PTRH1: variants seen among roughly 807,000 people sequenced by gnomAD.
The protein encoded by PTRH1 is peptidyl-tRNA hydrolase 1 homolog.
PTRH1 carries 13 observed loss-of-function variants against 15.7 expected under a neutral mutation model. The observed-to-expected ratio is 0.83, with a 90% CI of 0.54 to 1.31. The LOEUF is 1.31. Ranked by LOEUF, PTRH1 falls within the 40% of genes most tolerant of loss-of-function variation. PTRH1 has a pLI of 0.00. For synonymous variants in PTRH1, 139 were observed against 136.7 expected (o/e 1.02, Z -0.12); for missense variants, 319 against 296.2 (o/e 1.08, Z -0.56).
At chr9:127,700,185 A>C (rs1012630952) in intron 1 of PTRH1, among the ~76,000 whole-genome samples, 1 of 152,216 alleles carries the variant, frequency 6.6e-6, no homozygotes, top group Non-Finnish European at 1.5e-5. Context: ...CTTATGTGTC[A>C]GGCTGTCTCT....
chr9:127,710,580 C>G (rs1226587363), downstream of PTRH1: 75 of 1,567,864 alleles, frequency 4.8e-5, no homozygotes, highest in East Asian at 1.7e-3. Flanking sequence ...ATCATTGGGC[C>G]TTGTGCGCTG....
chr9:127,707,375 G>A (rs1475709633), intron 1 of PTRH1, among the ~76,000 whole-genome samples: 3 of 152,178 alleles, frequency 2.0e-5, no homozygotes, highest in African/African-American at 2.4e-5. Flanking sequence ...TCAAGATTTT[G>A]AGGGTAAATG....
Position 127,715,059 on chromosome 9 carries a change from G to C in PTRH1, c.232C>G (p.Leu78Val). The C allele has an allele frequency of 6.5e-7, 1 of 1,527,328 alleles. No individual in the cohort carries two copies. The highest frequency in any genetic ancestry group is 8.7e-7 in the Non-Finnish European group (1 of 1,143,262). The allele number at this position is 1,527,328 out of a possible 1,614,324, so 94.6% of individuals were successfully genotyped here. A position where few individuals can be genotyped will look rare whatever the true frequency, so the allele number is the denominator to read the frequency against. ...AGTTGGGCATCCCCCAGCGGGGCCA[G>C]GGCGAGGTCGGCGGCACAGTGCCGG... The part of the protein sequence containing the change: ...RDRHCAADLA[L>V]APLGDAQLVL... The change falls in exon 2 of 5, where the codon CTG becomes GTG. Residue 78 changes from leucine (L) to valine (V), a missense_variant. Coordinates refer to ENST00000543175, the MANE Select transcript of PTRH1 (RefSeq NM_001002913.3). This position sits in a 1 kb window ranked among gnomAD's most constrained non-coding sequence, Gnocchi z 5.8.
intron 1 of PTRH1, among the ~76,000 whole-genome samples, chr9:127,696,690 T>C (rs1564361591): frequency 1.3e-5 from 2 of 151,972 alleles, no homozygotes; most frequent in Non-Finnish European, 1.5e-5. Flanking sequence ...TGAAACCCCG[T>C]CTCTACTAAA....
chr9:127,703,269 A>C (rs369664915), intron 1 of PTRH1, among the ~76,000 whole-genome samples: 3 of 151,740 alleles, frequency 2.0e-5, no homozygotes, highest in Non-Finnish European at 2.9e-5. Flanking sequence ...AACATGGTGA[A>C]ACCTCATCTC....
At position 127,714,281 on chromosome 9, in the gene PTRH1, G is replaced by C; in HGVS notation, c.464C>G (p.Ala155Gly). 1 of 1,613,972 alleles carries C rather than the reference G, an allele frequency of 6.2e-7. No homozygotes were observed. The highest frequency in any genetic ancestry group is 8.5e-7 in the Non-Finnish European group (1 of 1,179,918). Reference protein sequence around the residue: ...RSCISCLNSNAMPRLRVGIGR... With the variant: ...RSCISCLNSNGMPRLRVGIGR... ...GATACCCACCCGCAGCCTTGGCATT[G>C]CCTGTGGGAGAGCCAGAGAGGCCCA... The change falls in exon 5 of 5, where the codon GCA becomes GGA. Residue 155 changes from alanine to glycine, a missense_variant and splice_region_variant. Ala to Gly is a moderately conservative substitution (Grantham distance 60). Coordinates refer to ENST00000543175, the MANE Select transcript of PTRH1 (RefSeq NM_001002913.3).
chr9:127,713,632 A>T, downstream of PTRH1: 1 of 463,120 alleles, frequency 2.2e-6, no homozygotes, highest in South Asian at 2.1e-5. Flanking sequence ...TCAGTCTCCC[A>T]AGTAGCAGGG....
chr9:127,707,243 C>A (rs1466049697), intron 1 of PTRH1: 2 of 1,582,874 alleles, frequency 1.3e-6, no homozygotes, highest in Admixed American at 1.7e-5. Context: ...GAAGCCCATG[C>A]CCAGGTGGCC....
chr9:127,714,876 A>C lies in PTRH1; in HGVS notation c.316+99T>G, dbSNP rs1842893426. 1.9e-5 allele frequency: 22 copies of C among 1,134,368 alleles called. No individual in the cohort carries two copies. In the South Asian group the frequency reaches 2.1e-4, roughly 11 times the overall value. The allele number at this position is 1,134,368 out of a possible 1,614,324, so 70.3% of individuals were successfully genotyped here. A position where few individuals can be genotyped will look rare whatever the true frequency, so the allele number is the denominator to read the frequency against. On this transcript the variant is annotated intron_variant, in intron 2 of 4. Transcript: ENST00000543175. Reference sequence around the variant, plus strand: ...GGAGCTCAACAGGTACTTGGAGGTGAACCCGCGGATCTGTCACAGCCAGTG... The same window carrying C: ...GGAGCTCAACAGGTACTTGGAGGTGCACCCGCGGATCTGTCACAGCCAGTG...
chr9:127,700,322 G>A (rs1286903246), intron 1 of PTRH1, among the ~76,000 whole-genome samples: 1 of 152,012 alleles, frequency 6.6e-6, no homozygotes, highest in African/African-American at 2.4e-5. Flanking sequence ...ACCCCTTATG[G>A]GCAGCATCTC....
chr9:127,697,055 C>T (rs117856651), intron 1 of PTRH1, among the ~76,000 whole-genome samples: 4 of 152,136 alleles, frequency 2.6e-5, no homozygotes, highest in Non-Finnish European at 5.9e-5. Flanking sequence ...GTGAGTTGTA[C>T]CTGCCTGGTC....
intron 1 of PTRH1, among the ~76,000 whole-genome samples, chr9:127,703,117 G>C (rs536105355): frequency 6.6e-6 from 1 of 152,002 alleles, no homozygotes; most frequent in East Asian, 1.9e-4. Flanking sequence ...TCAGCAAATC[G>C]GGACACTCAT....
chr9:127,694,176 C>A (rs1842533886), intron 2 of PTRH1, among the ~76,000 whole-genome samples: 1 of 152,012 alleles, frequency 6.6e-6, no homozygotes, highest in African/African-American at 2.4e-5. Flanking sequence ...AAGCGATTGG[C>A]CTGCCTCAGC....
rs766413108 is a variant in PTRH1, at chr9:127,701,271, CAT to C, written c.206-6132_206-6131del. ...CCTCTCCTTTCCCAAATTTATAAAT[CAT>C]GTGATTTTTTTCAAGTTAACGTATC... On this transcript the variant is annotated intron_variant, in intron 1 of 2. Transcript: ENST00000335223. Among the ~76,000 whole-genome samples the C allele has an allele frequency of 5.3e-5, 8 of 152,288 alleles. No homozygotes were observed. In the South Asian group the frequency reaches 1.5e-3, roughly 28 times the overall value.
In PTRH1 at chr9:127,715,585, G is replaced by A. The variant is rs767941897; in HGVS notation, c.55C>T (p.Arg19Ter). The change falls in exon 1 of 5, where the codon CGA becomes TGA. Residue 19 changes from arginine (R) to a stop codon, truncating the protein, a stop_gained. Coordinates refer to ENST00000543175, the MANE Select transcript of PTRH1 (RefSeq NM_001002913.3). LOFTEE classifies it high-confidence loss of function. The surrounding 1 kb of genome is among the most constrained non-coding windows in gnomAD (Gnocchi z 5.8). ...AGQRLSRAMS[R>*]CVLEPRPPGK... ...GGGGGGCGAGGCTCCAAAACACATC[G>A]GCTCATGGCTCTACTCAGCCGCTGT... 7.4e-6 allele frequency: 12 copies of A among 1,613,270 alleles called. No homozygotes were observed. The highest frequency in any genetic ancestry group is 9.3e-6 in the Non-Finnish European group (11 of 1,180,030).
chr9:127,697,080 T>C (rs1842567410), intron 1 of PTRH1, among the ~76,000 whole-genome samples: 1 of 152,216 alleles, frequency 6.6e-6, no homozygotes, highest in African/African-American at 2.4e-5. Context: ...GTGCATTACC[T>C]GTTATAAAAG....
chr9:127,703,668 G>A (rs575662842), intron 1 of PTRH1, among the ~76,000 whole-genome samples: 5 of 152,134 alleles, frequency 3.3e-5, no homozygotes, highest in African/African-American at 4.8e-5. Flanking sequence ...CACGTGCCAC[G>A]GCACCCAAAC....
chr9:127,699,936 C>T (rs536594537), intron 1 of PTRH1, among the ~76,000 whole-genome samples: 100 of 152,112 alleles, frequency 6.6e-4, no homozygotes, highest in Non-Finnish European at 1.2e-3. Flanking sequence ...ATATAAATGC[C>T]TCCCGAGACT....
At chr9:127,704,519 AAAAAG>A (rs1438515967) in intron 1 of PTRH1, among the ~76,000 whole-genome samples, 3 of 151,740 alleles carry the variant, frequency 2.0e-5, no homozygotes, top group South Asian at 2.1e-4. Context: ...AAAAAAAAAA[AAAAAG>A]AAAAGAAAAA....
Sources: gnomAD v4.1 joint callset for allele counts (sites outside exome capture counted in the v4.1 genomes callset) on GRCh38, gnomAD v4.1.1 for gene constraint, Gnocchi (gnomAD v3.1) non-coding constraint, MANE v1.5 for transcripts, NCBI Gene and HGNC (gene_info 2026-07-23, HGNC 2026-07-21) for gene names.